Variants in DGKK observed in about 807,000 individuals in gnomAD.
DGKK encodes the protein diacylglycerol kinase kappa.
A neutral mutation model predicts 92.2 loss-of-function variants in DGKK; 35 were observed. That is an observed-to-expected ratio of 0.38 (90% confidence interval 0.29 to 0.50). The LOEUF (loss-of-function observed/expected upper bound fraction) is 0.50. Among genes scored for constraint, DGKK ranks in the 20% least tolerant of loss-of-function variants. The pLI is 0.92. For synonymous variants in DGKK, 368 were observed against 360.6 expected (o/e 1.02, Z -0.23); for missense variants, 910 against 992.2 (o/e 0.92, Z 1.11).
In DGKK at chrX:50,393,206, T is replaced by C. The variant is rs1557225749; in HGVS notation, c.1541A>G (p.Gln514Arg). ...QGIVFLRKFKQYLNPSQVFDL... is the reference protein window; with the variant it reads ...QGIVFLRKFKRYLNPSQVFDL... ...GAACACTTGAGATGGGTTAAGGTAT[T>C]GCTTGAATTTTCGGAGGAAGACGAT... is the stretch of plus-strand genomic sequence containing the variant. Residue 514 changes from glutamine to arginine, a missense_variant, in exon 9 of 28, where the codon CAA becomes CGA. By Grantham distance (43) the Gln-to-Arg change is conservative. Coordinates refer to ENST00000611977, the MANE Select transcript of DGKK (RefSeq NM_001013742.4). The C allele has an allele frequency of 1.7e-6, 2 of 1,210,248 alleles. No individual in the cohort carries two copies. The highest frequency in any genetic ancestry group is 2.2e-6 in the Non-Finnish European group (2 of 894,757).
At chrX:50,469,017 A>C (rs1167476186) in intron 1 of DGKK, among the ~76,000 whole-genome samples, 1 of 111,086 alleles carries the variant, frequency 9.0e-6, no homozygotes, top group Non-Finnish European at 1.9e-5. Flanking sequence ...AAAGCAGGAA[A>C]GACAGGCATA....
At chrX:50,375,239 C>T (rs1295192886) in intron 24 of DGKK, among the ~76,000 whole-genome samples, 182 bp from the exon 25 acceptor site, 2 of 111,648 alleles carry the variant, frequency 1.8e-5, no homozygotes, top group East Asian at 2.8e-4. Flanking sequence ...ACTATCAGAA[C>T]GAGTGCCAGC....
At chrX:50,381,130 A>G (rs1924402735) in intron 18 of DGKK, among the ~76,000 whole-genome samples, 1 of 111,920 alleles carries the variant, frequency 8.9e-6, no homozygotes, top group Non-Finnish European at 1.9e-5. Flanking sequence ...ATTTTTGACA[A>G]AGGTGCCAAC....
chrX:50,372,758 G>A (rs1159797456), intron 25 of DGKK, among the ~76,000 whole-genome samples: 5 of 112,361 alleles, frequency 4.4e-5, no homozygotes, highest in African/African-American at 1.6e-4. Flanking sequence ...ATCAACACAG[G>A]TGAGATGGTT....
intron 4 of DGKK, among the ~76,000 whole-genome samples, chrX:50,410,343 G>A (rs1602283542): frequency 1.8e-5 from 2 of 111,943 alleles, no homozygotes; most frequent in Non-Finnish European, 3.8e-5. Flanking sequence ...ATGTGGACCG[G>A]CCAAGAACAT....
rs1557234388 is a variant in DGKK, at chrX:50,470,266, GC to G, written c.412del (p.Ala138ProfsTer4). On this transcript the variant is annotated frameshift_variant, in exon 1 of 28. Coordinates refer to ENST00000611977, the MANE Select transcript of DGKK (RefSeq NM_001013742.4). LOFTEE classifies it high-confidence loss of function. ...EPALESVPEP[A>X]PELTPEVAPE... ...GGCAACTTCTGGAGTCAGCTCTGGGGCCGGCTCTGGGACCGACTCTAGGGCA... is the reference window on the plus strand; with the variant it reads ...GGCAACTTCTGGAGTCAGCTCTGGGGCGGCTCTGGGACCGACTCTAGGGCA... 1.7e-6 allele frequency: 2 copies of G among 1,208,871 alleles called. No homozygotes were observed. Among genetic ancestry groups the G allele is most frequent in the Non-Finnish European group, 2.2e-6 (2 of 894,121 alleles).
chrX:50,452,998 A>G (rs1926529373), intron 1 of DGKK, among the ~76,000 whole-genome samples: 1 of 111,716 alleles, frequency 9.0e-6, no homozygotes, highest in African/African-American at 3.2e-5. Context: ...ATGATGAATC[A>G]TCATTATAAG....
In DGKK at chrX:50,387,587, C is replaced by T; in HGVS notation, c.2085G>A (p.Gln695=). The T allele has an allele frequency of 8.3e-7, 1 of 1,208,341 alleles. No homozygotes were observed. Among genetic ancestry groups the T allele is most frequent in the Non-Finnish European group, 1.1e-6 (1 of 892,857 alleles). The change falls in exon 14 of 28, where the codon CAG becomes CAA. Residue 695 remains glutamine (Q), a synonymous_variant. Coordinates refer to ENST00000611977, the MANE Select transcript of DGKK (RefSeq NM_001013742.4). ...DIVKAWGQIK[Q]NNTAIVSVIL... is the part of the protein sequence containing the mutation. The stretch of plus-strand genomic sequence containing the variant: ...TCACAGACACTATTGCAGTGTTGTT[C>T]TGTTTTATCTGACCCCAGGCCTTTA...
At chrX:50,379,756 C>T in intron 19 of DGKK, 22 bp from the exon 20 acceptor site, 5 of 1,146,736 alleles carry the variant, frequency 4.4e-6, no homozygotes, top group Non-Finnish European at 6.0e-6. Context: ...GAGTAGCTCT[C>T]ATTAGCTGGA....
intron 8 of DGKK, among the ~76,000 whole-genome samples, chrX:50,400,359 T>C (rs1924970073): frequency 8.9e-6 from 1 of 112,364 alleles, no homozygotes; most frequent in South Asian, 3.7e-4. Flanking sequence ...ATTTCATTAC[T>C]ACCTCCTTTC....
chrX:50,366,380 CTG>C lies in DGKK; in HGVS notation c.*2558_*2559del, dbSNP rs1923976002. 1 of 111,679 alleles carries C rather than the reference CTG, an allele frequency of 9.0e-6. No homozygotes were observed. Among genetic ancestry groups the C allele is most frequent in the African/African-American group, 3.3e-5 (1 of 30,688 alleles). 9.2% of individuals were successfully genotyped at this position (111,679 alleles called of 1,213,427 possible). A position where few individuals can be genotyped will look rare whatever the true frequency, so the allele number is the denominator to read the frequency against. ...GCTCCTGGGCCTTGTCATCTATCAA[CTG>C]TGCTCCATGAGCTGACTCTAGCCCC... On this transcript the variant is annotated 3_prime_UTR_variant, in exon 28 of 28. Transcript: ENST00000611977.
In DGKK at chrX:50,470,510, G is replaced by T; in HGVS notation, c.169C>A (p.Pro57Thr). The change falls in exon 1 of 28, where the codon CCC (proline) becomes ACC (threonine). Residue 57 changes from proline (P) to threonine (T), a missense_variant. Coordinates refer to ENST00000611977, the MANE Select transcript of DGKK (RefSeq NM_001013742.4). ...SEASPEPIPEPCPELAPGPCP... is the reference protein window; with the variant it reads ...SEASPEPIPETCPELAPGPCP... The stretch of plus-strand genomic sequence containing the variant: ...GGACCTGGAGCAAGCTCTGGACAGG[G>T]CTCTGGTATGGGTTCTGGCGAAGCC... 1 of 1,212,151 alleles carries T rather than the reference G, an allele frequency of 8.2e-7. No individual in the cohort carries two copies.
chrX:50,416,746 A>C (rs1925444208), intron 4 of DGKK, among the ~76,000 whole-genome samples: 1 of 111,479 alleles, frequency 9.0e-6, no homozygotes, highest in Non-Finnish European at 1.9e-5. Flanking sequence ...GGACAAGTGT[A>C]AACTGGGCTC....
rs1282496667 is a variant in DGKK at position 50,376,610 on chromosome X, G to A, written c.3272+148C>T. 6.2e-6 allele frequency: 3 copies of A among 480,769 alleles called. No homozygotes were observed. The East Asian group carries it at 1.1e-4, about 18-fold the overall frequency. 39.6% of individuals were successfully genotyped at this position (480,769 alleles called of 1,213,427 possible). ...GAGCACAGAGAATATTTCCTGCCTG[G>A]ATTGTGAGGGTCCCGCTCAATTTTT... On this transcript the variant is annotated intron_variant, in intron 23 of 27. Transcript: ENST00000611977.
At chrX:50,433,840 T>C (rs1925952754) in intron 1 of DGKK, among the ~76,000 whole-genome samples, 1 of 110,974 alleles carries the variant, frequency 9.0e-6, no homozygotes, top group Non-Finnish European at 1.9e-5. Flanking sequence ...AGCGTTTTGG[T>C]CACACAAAGT....
intron 1 of DGKK, among the ~76,000 whole-genome samples, chrX:50,447,332 A>ATATATATATAT (rs1343120863): frequency 4.1e-5 from 1 of 24,324 alleles, no homozygotes; most frequent in Admixed American, 9.4e-4. Context: ...GTATGTATAT[A>ATATATATATAT]TATATATATA....
chrX:50,415,969 A>G (rs1396559069), intron 4 of DGKK, among the ~76,000 whole-genome samples: 1 of 112,227 alleles, frequency 8.9e-6, no homozygotes, highest in Non-Finnish European at 1.9e-5. Context: ...GGAGGTGTGC[A>G]GGGGCAGATG....
intron 24 of DGKK, among the ~76,000 whole-genome samples, 194 bp downstream of exon 24, chrX:50,375,830 T>C (rs994190129): frequency 5.4e-5 from 6 of 111,658 alleles, no homozygotes; most frequent in Non-Finnish European, 1.1e-4. Flanking sequence ...TGAAATCTGC[T>C]GTGATTTTCC....
intron 1 of DGKK, among the ~76,000 whole-genome samples, chrX:50,445,915 A>G (rs782446472): frequency 5.0e-4 from 56 of 111,437 alleles, no homozygotes; most frequent in Non-Finnish European, 8.9e-4. Flanking sequence ...ATCCATGAGC[A>G]TGGGATGTTT....
Sources: allele counts gnomAD v4.1 joint callset (sites outside exome capture counted in the v4.1 genomes callset), GRCh38; gene constraint gnomAD v4.1.1; transcripts MANE v1.5; gene names NCBI Gene and HGNC (gene_info 2026-07-23, HGNC 2026-07-21).